Variants in SLC6A4 observed in about 807,000 individuals in gnomAD.
SLC6A4 encodes the protein solute carrier family 6 member 4, also known as sodium-dependent serotonin transporter.
A neutral mutation model predicts 73.4 loss-of-function variants in SLC6A4; 22 were observed. The observed-to-expected ratio is 0.30, with a 90% CI of 0.21 to 0.43. The LOEUF is 0.43. Among genes scored for constraint, SLC6A4 ranks in the 20% least tolerant of loss-of-function variants. The pLI is 1.00. For synonymous variants in SLC6A4, 270 were observed against 315.5 expected (o/e 0.86, Z 1.53); for missense variants, 593 against 808.5 (o/e 0.73, Z 3.23).
chr17:30,222,016 G>C lies in SLC6A4; in HGVS notation c.-58C>G. 1.2e-6 allele frequency: 2 copies of C among 1,611,632 alleles called. No individual in the cohort carries two copies. The highest frequency in any genetic ancestry group is 1.7e-6 in the Non-Finnish European group (2 of 1,179,154). ...CTGCCAAGGATCCCAATTGATCTCT[G>C]GGTGCTTGGATTTGTGGATCACCTC... On this transcript the variant is annotated 5_prime_UTR_variant, in exon 3 of 15. Transcript: ENST00000650711.
intron 4 of SLC6A4, 45 bp from the exon 5 acceptor site, chr17:30,218,382 T>A: frequency 6.6e-7 from 1 of 1,504,930 alleles, no homozygotes; most frequent in Non-Finnish European, 9.2e-7. Context: ...AGTTTAAGGG[T>A]GGCCCAACGG....
chr17:30,198,683 G>T (rs1466617079), intron 14 of SLC6A4, among the ~76,000 whole-genome samples, 153 bp from the exon 15 acceptor site: 1 of 152,222 alleles, frequency 6.6e-6, no homozygotes, highest in Middle Eastern at 3.4e-3. Context: ...CTTAGGAAAA[G>T]AATTCCCAAT....
At position 30,216,099 on chromosome 17, in the gene SLC6A4, T is replaced by C; in HGVS notation, c.955A>G (p.Lys319Glu). 4 of 1,613,410 alleles carry C rather than the reference T, an allele frequency of 2.5e-6. No individual in the cohort carries two copies. Among genetic ancestry groups the C allele is most frequent in the Non-Finnish European group, 3.4e-6 (4 of 1,179,724 alleles). Reference sequence around the variant, plus strand: ...CATCTTACCCCTGTCTCCAGGAGTTTCTGCCAATTGGGTTTCAAGTAGAAG... The same window carrying C: ...CATCTTACCCCTGTCTCCAGGAGTTCCTGCCAATTGGGTTTCAAGTAGAAG... ...VLFYLKPNWQ[K>E]LLETGVWIDA... is the part of the protein sequence containing the mutation. Residue 319 changes from lysine (K) to glutamate (E), a missense_variant, in exon 7 of 15, where the codon AAA (lysine) becomes GAA (glutamate). Physicochemically the swap from Lys to Glu is moderately conservative, Grantham distance 56. Transcript: ENST00000650711.
At chr17:30,224,205 C>T (rs1906858898) in intron 1 of SLC6A4, among the ~76,000 whole-genome samples, 1 of 151,946 alleles carries the variant, frequency 6.6e-6, no homozygotes, top group African/African-American at 2.4e-5. Flanking sequence ...TGCTCTTCCT[C>T]CCACTGGCCC....
rs1359327836 is a variant in SLC6A4, at chr17:30,217,152, A to G, written c.837+14T>C. 2 of 1,611,888 alleles carry G rather than the reference A, an allele frequency of 1.2e-6. No individual in the cohort carries two copies. Among genetic ancestry groups the G allele is most frequent in the Non-Finnish European group, 1.7e-6 (2 of 1,178,876 alleles). On this transcript the variant is annotated intron_variant, in intron 6 of 14. Coordinates refer to ENST00000650711, the MANE Select transcript of SLC6A4 (RefSeq NM_001045.6). ...CCTGGGCAGGCCTGGGTCAGCAGCCAGAGCCTTCCTCACCTTGCCAGAGGT... is the reference window on the plus strand; with the variant it reads ...CCTGGGCAGGCCTGGGTCAGCAGCCGGAGCCTTCCTCACCTTGCCAGAGGT...
At chr17:30,212,936 G>T in intron 8 of SLC6A4, 69 bp from the exon 9 acceptor site, 2 of 1,552,802 alleles carry the variant, frequency 1.3e-6, no homozygotes, top group South Asian at 2.3e-5. Flanking sequence ...GCATCTGTCC[G>T]TGTGCCTGCC....
chr17:30,233,727 AC>A (rs1484166374), intron 1 of SLC6A4, among the ~76,000 whole-genome samples: 1 of 152,200 alleles, frequency 6.6e-6, no homozygotes, highest in East Asian at 1.9e-4. Context: ...ACCAAAAGTG[AC>A]TGTATAATTT....
At chr17:30,233,174 T>C (rs1367393706) in intron 1 of SLC6A4, among the ~76,000 whole-genome samples, 2 of 152,148 alleles carry the variant, frequency 1.3e-5, no homozygotes, top group Non-Finnish European at 2.9e-5. Context: ...TTATGAGATG[T>C]TTCGCTCCAC....
Position 30,203,351 on chromosome 17 carries a change from A to G in SLC6A4, c.1651-12T>C, listed in dbSNP as rs201769521. 10 of 1,610,442 alleles carry G rather than the reference A, an allele frequency of 6.2e-6. No homozygotes were observed. Among genetic ancestry groups the G allele is most frequent in the Non-Finnish European group, 7.6e-6 (9 of 1,178,294 alleles). On this transcript the variant is annotated splice_polypyrimidine_tract_variant and intron_variant, in intron 13 of 14. Coordinates refer to ENST00000650711, the MANE Select transcript of SLC6A4 (RefSeq NM_001045.6). ...CTGCAAATGATGAACTAAAACAGAA[A>G]TTCCAAGAAACATTAAAAACCTTAA...
At chr17:30,208,763 CT>C in intron 12 of SLC6A4, among the ~76,000 whole-genome samples, 1 of 152,324 alleles carries the variant, frequency 6.6e-6, no homozygotes, top group Middle Eastern at 3.4e-3. Flanking sequence ...GCGATCTTGG[CT>C]CACTGCAACC....
chr17:30,222,984 T>A, intron 1 of SLC6A4, 69 bp from the exon 2 acceptor site: 3 of 481,330 alleles, frequency 6.2e-6, no homozygotes, highest in Non-Finnish European at 1.2e-5. Context: ...GTGCCTCCAC[T>A]GGGAGGGCCT....
Position 30,203,308 on chromosome 17 carries a change from G to A in SLC6A4, c.1682C>T (p.Pro561Leu). 2 of 1,613,990 alleles carry A rather than the reference G, an allele frequency of 1.2e-6. No homozygotes were observed. Among genetic ancestry groups the A allele is most frequent in the Non-Finnish European group, 1.7e-6 (2 of 1,179,942 alleles). Residue 561 changes from proline to leucine, a missense_variant, in exon 14 of 15, where the codon CCA becomes CTA. Transcript: ENST00000650711. Reference protein sequence around the residue: ...FIICSFLMSPPQLRLFQYNYP... With the variant: ...FIICSFLMSPLQLRLFQYNYP... Reference sequence around the variant, plus strand: ...ATTATATTGGAAAAGTCGTAGTTGTGGCGGGCTCATCAGAAAACTGCAAAT... The same window carrying A: ...ATTATATTGGAAAAGTCGTAGTTGTAGCGGGCTCATCAGAAAACTGCAAAT...
intron 1 of SLC6A4, among the ~76,000 whole-genome samples, chr17:30,227,486 T>C (rs982721444): frequency 2.0e-5 from 3 of 152,104 alleles, no homozygotes; most frequent in African/African-American, 7.2e-5. Context: ...TGTGTGTGTG[T>C]GTGTGTTGTT....
Position 30,209,345 on chromosome 17 carries a change from A to C in SLC6A4, c.1450-103T>G, listed in dbSNP as rs1462343919. 5.4e-6 allele frequency: 4 copies of C among 742,862 alleles called. No homozygotes were observed. In the African/African-American group the frequency reaches 7.1e-5, roughly 13 times the overall value. 46.0% of individuals were successfully genotyped at this position (742,862 alleles called of 1,614,324 possible). ...CCTCACTTAGAATCATTCTGGAAAA[A>C]TCCCACCTGGGACCGAACGTGAGTA... On this transcript the variant is annotated intron_variant, in intron 11 of 14. Coordinates refer to ENST00000650711, the MANE Select transcript of SLC6A4 (RefSeq NM_001045.6).
chr17:30,223,615 AT>A (rs768465692), intron 1 of SLC6A4, among the ~76,000 whole-genome samples: 61 of 152,186 alleles, frequency 4.0e-4, no homozygotes, highest in Admixed American at 7.9e-4. Flanking sequence ...AAAGGGATCG[AT>A]TGTTGCCAAA....
chr17:30,222,638 C>G (rs41274288), intron 2 of SLC6A4, among the ~76,000 whole-genome samples, 181 bp downstream of exon 2: 22 of 152,292 alleles, frequency 1.4e-4, no homozygotes, highest in Admixed American at 3.3e-4. Context: ...AAAAGGCCAC[C>G]CTTCGTGAGG....
Position 30,198,353 on chromosome 17 carries a change from G to T in SLC6A4, c.*103C>A. ...GTGGAGAAGGCCCTTCCATCATCAG[G>T]CTTAGCTGGAAACTCATTCACTTGG... On this transcript the variant is annotated 3_prime_UTR_variant, in exon 15 of 15. Coordinates refer to ENST00000650711, the MANE Select transcript of SLC6A4 (RefSeq NM_001045.6). 1 of 692,198 alleles carries T rather than the reference G, an allele frequency of 1.4e-6. No homozygotes were observed. Among genetic ancestry groups the T allele is most frequent in the Non-Finnish European group, 2.6e-6 (1 of 390,350 alleles). 42.9% of individuals were successfully genotyped at this position (692,198 alleles called of 1,614,324 possible). A position where few individuals can be genotyped will look rare whatever the true frequency, so the allele number is the denominator to read the frequency against.
Position 30,235,097 on chromosome 17 carries a change from A to C in SLC6A4, c.-221+516T>G, listed in dbSNP as rs573289993. Among the ~76,000 whole-genome samples, 1 of 152,258 alleles carries C rather than the reference A, an allele frequency of 6.6e-6. No individual in the cohort carries two copies. The highest frequency in any genetic ancestry group is 2.1e-4 in the South Asian group (1 of 4,828). On this transcript the variant is annotated intron_variant, in intron 1 of 14. Transcript: ENST00000650711. The surrounding 1 kb of genome is among the most constrained non-coding windows in gnomAD (Gnocchi z 4.5). ...TCAGCTCTGACAGTGAAACCACCCA[A>C]GCGCACGGAGACTCGGCCCACTTAG...
chr17:30,215,026 TC>T (rs1906523557), intron 8 of SLC6A4, among the ~76,000 whole-genome samples: 1 of 40,568 alleles, frequency 2.5e-5, no homozygotes, highest in African/African-American at 6.6e-5. Context: ...CTTTCTTTTT[TC>T]TTTCTTTCTT....
Sources: allele counts gnomAD v4.1 joint callset (sites outside exome capture counted in the v4.1 genomes callset), GRCh38; gene constraint gnomAD v4.1.1; non-coding constraint Gnocchi (gnomAD v3.1); transcripts MANE v1.5; gene names NCBI Gene and HGNC (gene_info 2026-07-23, HGNC 2026-07-21).